Variants in DPYSL2 observed in about 807,000 individuals in gnomAD.
The protein encoded by DPYSL2 is dihydropyrimidinase like 2.
Under a neutral mutation model 69.9 loss-of-function variants are expected in DPYSL2, and 13 were observed. The ratio of observed to expected loss-of-function variants is 0.19; its 90% CI spans 0.12 to 0.30. The LOEUF (loss-of-function observed/expected upper bound fraction) is 0.30, where lower values mean the gene tolerates loss of function less well. DPYSL2 is among the 10% of genes least tolerant of loss of function. DPYSL2 has a pLI of 1.00. For missense variants in DPYSL2, 587 were observed against 918.9 expected (o/e 0.64, Z 4.67); for synonymous variants, 326 against 359.1 (o/e 0.91, Z 1.04).
intron 3 of DPYSL2, among the ~76,000 whole-genome samples, chr8:26,612,033 T>G (rs1237260947): frequency 6.6e-6 from 1 of 152,200 alleles, no homozygotes; most frequent in East Asian, 1.9e-4. Flanking sequence ...AATCATGTGG[T>G]TGTAAAATTG....
chr8:26,600,658 C>T lies in DPYSL2; in HGVS notation c.628+16675C>T, dbSNP rs543489783. ...ACTGGCTCATCTGGTGTGGCAAGTG[C>T]AAAGATGTTTGCAGAGATGAGAATG... On this transcript the variant is annotated intron_variant, in intron 3 of 13. Coordinates refer to ENST00000521913, the MANE Select transcript of DPYSL2 (RefSeq NM_001197293.3). Among the ~76,000 whole-genome samples, 82 of 152,198 alleles carry T rather than the reference C, an allele frequency of 5.4e-4. 1 individual carries two copies. The highest frequency in any genetic ancestry group is 1.9e-3 in the African/African-American group (77 of 41,500).
At chr8:26,601,976 G>A (rs777300212) in intron 3 of DPYSL2, among the ~76,000 whole-genome samples, 13 of 152,196 alleles carry the variant, frequency 8.5e-5, no homozygotes, top group Non-Finnish European at 1.9e-4. Flanking sequence ...GTTTGCCTGG[G>A]CAAAGGCTTA....
chr8:26,542,698 T>A lies in DPYSL2; in HGVS notation c.354+28019T>A, dbSNP rs1800705257. 2.0e-5 allele frequency among the ~76,000 whole-genome samples: 3 copies of A among 152,154 alleles called. No individual in the cohort carries two copies. The South Asian group carries it at 6.2e-4, about 32-fold the overall frequency. On this transcript the variant is annotated intron_variant, in intron 1 of 13. Coordinates refer to ENST00000521913, the MANE Select transcript of DPYSL2 (RefSeq NM_001197293.3). ...GCCTCATCCTCATAAAGTGTTGGGA[T>A]TACAGGAGTGAGCTACCACACCTGG...
chr8:26,540,954 G>T (rs1351108466), intron 1 of DPYSL2, among the ~76,000 whole-genome samples: 3 of 150,048 alleles, frequency 2.0e-5, no homozygotes, highest in Admixed American at 6.7e-5. Flanking sequence ...AAGCCATCAG[G>T]AAGTCAAAAA....
chr8:26,561,326 C>A (rs917170615), intron 1 of DPYSL2, among the ~76,000 whole-genome samples: 2 of 152,082 alleles, frequency 1.3e-5, no homozygotes, highest in African/African-American at 4.8e-5. Flanking sequence ...CAGGACTGAC[C>A]CTCTCCTCTC....
At chr8:26,579,951 AGC>A (rs769992940) in intron 1 of DPYSL2, among the ~76,000 whole-genome samples, 7 of 33,366 alleles carry the variant, frequency 2.1e-4, no homozygotes, top group East Asian at 2.0e-3. Flanking sequence ...TTTTTTAAAG[AGC>A]GCCCCCCCCC....
At chr8:26,603,283 C>T (rs1240467521) in intron 3 of DPYSL2, among the ~76,000 whole-genome samples, 1 of 152,158 alleles carries the variant, frequency 6.6e-6, no homozygotes, top group African/African-American at 2.4e-5. Context: ...AGCGATTCTC[C>T]TGCCTCAGCC....
At chr8:26,635,044 C>A (rs1867042) in intron 8 of DPYSL2, 144 bp downstream of exon 8, 885,455 of 1,237,800 alleles carry the variant, frequency 0.72, 324,662 homozygotes, top group Non-Finnish European at 0.76. Flanking sequence ...TAATTACAGC[C>A]GGGCAAGGCA....
rs1803122148 is a variant in DPYSL2 at position 26,644,622 on chromosome 8, T to C, written c.1425+531T>C. On this transcript the variant is annotated intron_variant, in intron 10 of 13. Coordinates refer to ENST00000521913, the MANE Select transcript of DPYSL2 (RefSeq NM_001197293.3). The surrounding 1 kb of genome is among the most constrained non-coding windows in gnomAD (Gnocchi z 4.5). ...GCCTGGCTTACCTGTATATTTCTTA[T>C]CATTATCATCAATGGAACAGTAAAG... Among the ~76,000 whole-genome samples the C allele has an allele frequency of 6.6e-6, 1 of 152,108 alleles. No homozygotes were observed.
intron 3 of DPYSL2, among the ~76,000 whole-genome samples, chr8:26,618,315 C>T (rs1029117102): frequency 2.1e-5 from 3 of 145,920 alleles, no homozygotes; most frequent in Non-Finnish European, 4.5e-5. Context: ...GGTTTTACGC[C>T]TTTTTTTTTT....
At chr8:26,576,764 T>C (rs938944828) in intron 1 of DPYSL2, among the ~76,000 whole-genome samples, 25 of 152,226 alleles carry the variant, frequency 1.6e-4, no homozygotes, top group African/African-American at 6.0e-4. Flanking sequence ...ATATAAACTC[T>C]TCCTTTCTTG....
chr8:26,543,353 T>G (rs1800714555), intron 1 of DPYSL2, among the ~76,000 whole-genome samples: 1 of 152,252 alleles, frequency 6.6e-6, no homozygotes, highest in African/African-American at 2.4e-5. Flanking sequence ...CACTTCCTTC[T>G]GCTCCTCTGC....
intron 1 of DPYSL2, among the ~76,000 whole-genome samples, chr8:26,563,357 A>G (rs1356000074): frequency 1.3e-5 from 2 of 152,164 alleles, no homozygotes; most frequent in Non-Finnish European, 2.9e-5. Context: ...ATCTTTGTCC[A>G]AAGACTAAGT....
At position 26,626,033 on chromosome 8, in the gene DPYSL2, TTCTG is replaced by T. The variant is rs1802605463; in HGVS notation, c.794-578_794-575del. ...AGTCCCTGGCAACTGCTGTTGTACT[TTCTG>T]TCTGTGAAATTGACTTCTAGGGACC... On this transcript the variant is annotated intron_variant, in intron 4 of 13. Transcript: ENST00000521913. This position sits in a 1 kb window ranked among gnomAD's most constrained non-coding sequence, Gnocchi z 4.3. Among the ~76,000 whole-genome samples, 1 of 152,204 alleles carries T rather than the reference TTCTG, an allele frequency of 6.6e-6. No individual in the cohort carries two copies. The highest frequency in any genetic ancestry group is 1.5e-5 in the Non-Finnish European group (1 of 68,034).
intron 4 of DPYSL2, among the ~76,000 whole-genome samples, chr8:26,625,086 G>C (rs1231486947): frequency 6.6e-6 from 1 of 152,166 alleles, no homozygotes; most frequent in Non-Finnish European, 1.5e-5. Context: ...CATGGCAAGA[G>C]GGAAATCTCT....
In DPYSL2 at chr8:26,528,741, C is replaced by T. The variant is rs915081462; in HGVS notation, c.354+14062C>T. Among the ~76,000 whole-genome samples the T allele has an allele frequency of 2.0e-5, 3 of 152,032 alleles. No individual in the cohort carries two copies. In the South Asian group the frequency reaches 6.2e-4, roughly 32 times the overall value. On this transcript the variant is annotated intron_variant, in intron 1 of 13. Coordinates refer to ENST00000521913, the MANE Select transcript of DPYSL2 (RefSeq NM_001197293.3). ...ACAGGAGGCACTGAAAGCAGTGCAG[C>T]GCCACTCTGGGAAGCACCACGTTGG...
intron 1 of DPYSL2, among the ~76,000 whole-genome samples, chr8:26,552,295 T>G (rs1444671831): frequency 1.3e-5 from 2 of 152,158 alleles, no homozygotes; most frequent in East Asian, 1.9e-4. Context: ...AGAAGAAATA[T>G]CTAATATCAA....
At chr8:26,649,794 T>TA (rs1308279800) in intron 11 of DPYSL2, among the ~76,000 whole-genome samples, 2 of 152,134 alleles carry the variant, frequency 1.3e-5, no homozygotes, top group African/African-American at 4.8e-5. Context: ...GGATGTAGGT[T>TA]AAAAATGTCT....
chr8:26,533,346 C>T lies in DPYSL2; in HGVS notation c.354+18667C>T, dbSNP rs145601090. 8.7e-4 allele frequency among the ~76,000 whole-genome samples: 133 copies of T among 152,214 alleles called. No homozygotes were observed. The highest frequency in any genetic ancestry group is 3.0e-3 in the Admixed American group (46 of 15,292). On this transcript the variant is annotated intron_variant, in intron 1 of 13. Transcript: ENST00000521913. The surrounding 1 kb of genome is among the most constrained non-coding windows in gnomAD (Gnocchi z 4.8). ...TTCACTTTCCTGATAGTGTCCTTGA[C>T]GTATGAATGCTTTTAATTTTGACAA...
Sources: gnomAD v4.1 joint callset for allele counts (sites outside exome capture counted in the v4.1 genomes callset) on GRCh38, gnomAD v4.1.1 for gene constraint, Gnocchi (gnomAD v3.1) non-coding constraint, MANE v1.5 for transcripts, NCBI Gene and HGNC (gene_info 2026-07-23, HGNC 2026-07-21) for gene names.